Variants in WDR47 observed in about 807,000 individuals in gnomAD.
WDR47 encodes the protein WD repeat domain 47.
WDR47 carries 32 observed loss-of-function variants against 97.2 expected under a neutral mutation model. That is an observed-to-expected ratio of 0.33 (90% CI 0.25 to 0.44). The LOEUF is 0.44. Among genes scored for constraint, WDR47 ranks in the 20% least tolerant of loss-of-function variants. The probability of loss-of-function intolerance (pLI) is 1.00; values close to 1 mark genes in which losing one functional copy is unlikely to be tolerated. For synonymous variants in WDR47, 375 were observed against 373.5 expected (o/e 1.00, Z -0.05); for missense variants, 782 against 1,102.3 (o/e 0.71, Z 4.11).
intron 2 of WDR47, 102 bp downstream of exon 2, chr1:109,023,253 T>C (rs984141762): frequency 9.0e-7 from 1 of 1,113,800 alleles, no homozygotes; most frequent in Admixed American, 2.9e-5. Flanking sequence ...TACATAGCCT[T>C]TTCATGATTA....
intron 10 of WDR47, among the ~76,000 whole-genome samples, chr1:108,984,407 T>G (rs1479451292): frequency 6.6e-6 from 1 of 152,176 alleles, no homozygotes; most frequent in Non-Finnish European, 1.5e-5. Context: ...TATCTAAGAT[T>G]TAAATACTTT....
At chr1:108,973,397 G>A (rs2101772606) in intron 14 of WDR47, among the ~76,000 whole-genome samples, 1 of 152,008 alleles carries the variant, frequency 6.6e-6, no homozygotes, top group East Asian at 1.9e-4. Context: ...ACTTTTTATT[G>A]ACCTCTAAAA....
intron 13 of WDR47, 41 bp downstream of exon 13, chr1:108,981,692 A>C: frequency 6.4e-7 from 1 of 1,564,440 alleles, no homozygotes; most frequent in South Asian, 1.2e-5. Context: ...TCTAATTTAC[A>C]AAGTTTTTTT....
intron 3 of WDR47, among the ~76,000 whole-genome samples, chr1:109,014,241 T>A (rs375888591): frequency 1.3e-5 from 2 of 152,122 alleles, no homozygotes; most frequent in Admixed American, 6.6e-5. Context: ...ATTAAAAAAA[T>A]TTTAACAAAT....
chr1:109,013,798 A>C, intron 4 of WDR47, 43 bp downstream of exon 4: 1 of 1,596,734 alleles, frequency 6.3e-7, no homozygotes, highest in East Asian at 2.2e-5. Flanking sequence ...CTTATGACTG[A>C]AAACAAGACT....
chr1:108,997,310 G>A (rs705277), intron 7 of WDR47, among the ~76,000 whole-genome samples: 20,760 of 151,148 alleles, frequency 0.14, 1,518 homozygotes, highest in African/African-American at 0.18. Context: ...AGACATGGTG[G>A]TGCAGGCCTA....
chr1:109,000,390 T>C (rs754365725), intron 7 of WDR47, among the ~76,000 whole-genome samples: 5 of 150,732 alleles, frequency 3.3e-5, no homozygotes, highest in Non-Finnish European at 7.4e-5. Flanking sequence ...GTACCTGTAA[T>C]GCCAGCTACT....
chr1:108,977,193 C>A (rs1218304480), intron 13 of WDR47, among the ~76,000 whole-genome samples: 1 of 152,058 alleles, frequency 6.6e-6, no homozygotes, highest in African/African-American at 2.4e-5. Flanking sequence ...ACTCTGTCGC[C>A]CAGGCTGGAG....
intron 14 of WDR47, among the ~76,000 whole-genome samples, chr1:108,972,406 A>C (rs12032662): frequency 0.41 from 62,297 of 151,764 alleles, 13,240 homozygotes; most frequent in East Asian, 0.64. Context: ...CAGAACCCCA[A>C]ATTCTCCAAA....
In WDR47 at chr1:109,011,320, C is replaced by T. The variant is rs1250016109; in HGVS notation, c.726G>A (p.Leu242=). Residue 242 remains leucine (L), a synonymous_variant, in exon 5 of 15, where the codon CTG becomes CTA. Coordinates refer to ENST00000369962, the MANE Select transcript of WDR47 (RefSeq NM_001142551.2). ...LCGNGCDDLD[L]SLLSWLQNLP... ...GATTCTGAAGCCATGACAGTAAACT[C>T]AGATCCAAATCATCACAACCATTAC... is the stretch of plus-strand genomic sequence containing the variant. 2 of 1,614,084 alleles carry T rather than the reference C, an allele frequency of 1.2e-6. No individual in the cohort carries two copies. Among genetic ancestry groups the T allele is most frequent in the African/African-American group, 2.7e-5 (2 of 74,936 alleles).
At chr1:108,973,657 G>A (rs1657651113) in intron 14 of WDR47, among the ~76,000 whole-genome samples, 1 of 152,074 alleles carries the variant, frequency 6.6e-6, no homozygotes, top group South Asian at 2.1e-4. Flanking sequence ...GGAGGCAGGA[G>A]GATCACTTGA....
At chr1:109,012,590 A>AAAAAC (rs1553233815) in intron 4 of WDR47, among the ~76,000 whole-genome samples, 1 of 150,840 alleles carries the variant, frequency 6.6e-6, no homozygotes, top group Non-Finnish European at 1.5e-5. Flanking sequence ...AAAAAAAAAA[A>AAAAAC]CAGAAAGGGA....
At chr1:108,977,028 A>G (rs1657956799) in intron 13 of WDR47, among the ~76,000 whole-genome samples, 3 of 152,226 alleles carry the variant, frequency 2.0e-5, no homozygotes, top group African/African-American at 7.2e-5. Context: ...TGGATTGCAG[A>G]CTAAAGGGAG....
chr1:108,982,582 AC>A, intron 12 of WDR47, 26 bp downstream of exon 12: 1 of 1,558,400 alleles, frequency 6.4e-7, no homozygotes, highest in Middle Eastern at 1.7e-4. Flanking sequence ...AAAAAGAAAA[AC>A]AGCACTTGAA....
intron 9 of WDR47, among the ~76,000 whole-genome samples, chr1:108,988,562 G>A (rs943584861): frequency 4.6e-5 from 7 of 151,812 alleles, no homozygotes; most frequent in Non-Finnish European, 1.0e-4. Context: ...CATGCCCGTA[G>A]TCACAGCTAC....
At chr1:108,993,585 A>C (rs551530191) in intron 8 of WDR47, among the ~76,000 whole-genome samples, 1 of 152,324 alleles carries the variant, frequency 6.6e-6, no homozygotes, top group South Asian at 2.1e-4. Flanking sequence ...AATCTAATAA[A>C]GAGATGAGGC....
At chr1:109,013,103 C>G (rs961744752) in intron 4 of WDR47, among the ~76,000 whole-genome samples, 13 of 152,154 alleles carry the variant, frequency 8.5e-5, no homozygotes, top group African/African-American at 2.4e-4. Flanking sequence ...CCCCAGAGAG[C>G]TAGCTAGCCT....
intron 5 of WDR47, among the ~76,000 whole-genome samples, chr1:109,008,711 G>A (rs959661256): frequency 7.9e-5 from 12 of 152,046 alleles, no homozygotes; most frequent in Admixed American, 6.6e-5. Context: ...AGGTTCAAGC[G>A]ATTCTCCTGC....
intron 13 of WDR47, among the ~76,000 whole-genome samples, chr1:108,978,258 G>A (rs1281096016): frequency 1.3e-5 from 2 of 151,304 alleles, no homozygotes; most frequent in South Asian, 2.1e-4. Context: ...GGCGGATCAC[G>A]AGGTCAGGAG....
Sources: allele counts gnomAD v4.1 joint callset (sites outside exome capture counted in the v4.1 genomes callset), GRCh38; gene constraint gnomAD v4.1.1; transcripts MANE v1.5; gene names NCBI Gene and HGNC (gene_info 2026-07-23, HGNC 2026-07-21).